Variants in UGT1A8 observed in about 807,000 individuals in gnomAD.
UGT1A8 encodes UDP glucuronosyltransferase family 1 member A8, also known as UDP-glucuronosyltransferase 1A8.
UGT1A8 carries 39 observed loss-of-function variants against 45.3 expected under a neutral mutation model. The ratio of observed to expected loss-of-function variants is 0.86; its 90% CI spans 0.67 to 1.12. UGT1A8 has a LOEUF of 1.12. Ranked by LOEUF, UGT1A8 falls within the 50% of genes most tolerant of loss-of-function variation. The probability of loss-of-function intolerance (pLI) is 0.00; values close to 1 mark genes in which losing one functional copy is unlikely to be tolerated. For missense variants in UGT1A8, 719 were observed against 664.9 expected, an observed-to-expected ratio of 1.08 and a Z score of -0.90; for synonymous variants, 275 against 249.2, an observed-to-expected ratio of 1.10 and a Z score of -0.97.
chr2:233,681,906 C>T (rs1352844519), intron 1 of UGT1A8: 1 of 1,596,660 alleles, frequency 6.3e-7, no homozygotes, highest in South Asian at 1.1e-5. Context: ...AGCTTAGAAT[C>T]CCAGCTGCTG....
At chr2:233,736,318 T>G (rs1275483454) in intron 1 of UGT1A8, among the ~76,000 whole-genome samples, 1 of 152,256 alleles carries the variant, frequency 6.6e-6, no homozygotes, top group Non-Finnish European at 1.5e-5. Flanking sequence ...TTGAATTTTG[T>G]GCATGTGTTA....
Position 233,747,455 on chromosome 2 carries a change from C to T in UGT1A8, c.856-19579C>T, listed in dbSNP as rs545965821. Reference sequence around the variant, plus strand: ...AATTTTTCACCCTGACAACCTATGCCATTTCATGGACCCAGGATGAATTTG... The same window carrying T: ...AATTTTTCACCCTGACAACCTATGCTATTTCATGGACCCAGGATGAATTTG... On this transcript the variant is annotated intron_variant, in intron 1 of 4. Coordinates refer to ENST00000373450, the MANE Select transcript of UGT1A8 (RefSeq NM_019076.5). 52 of 1,608,866 alleles carry T rather than the reference C, an allele frequency of 3.2e-5. 1 individual carries two copies. Among genetic ancestry groups the T allele is most frequent in the Admixed American group, 5.0e-5 (3 of 60,014 alleles).
At chr2:233,688,686 T>C (rs2074910115) in intron 1 of UGT1A8, among the ~76,000 whole-genome samples, 1 of 152,222 alleles carries the variant, frequency 6.6e-6, no homozygotes, top group Non-Finnish European at 1.5e-5. Flanking sequence ...AAAAATTTAA[T>C]ATTAAACGTC....
intron 1 of UGT1A8, chr2:233,760,692 G>A (rs541943163): frequency 1.2e-6 from 2 of 1,614,200 alleles, no homozygotes; most frequent in South Asian, 1.1e-5. Flanking sequence ...ACAACAAGGA[G>A]CTCATGGCCT....
intron 1 of UGT1A8, chr2:233,647,821 C>G (rs1187787949): frequency 2.2e-6 from 2 of 912,710 alleles, no homozygotes; most frequent in African/African-American, 3.3e-5. Flanking sequence ...ATTGATTTGC[C>G]CCAAAAGCTA....
intron 1 of UGT1A8, among the ~76,000 whole-genome samples, chr2:233,632,372 A>G (rs551419110): frequency 6.6e-6 from 1 of 152,320 alleles, no homozygotes; most frequent in African/African-American, 2.4e-5. Context: ...TTCTGTGAAG[A>G]AAGTCAATGG....
At chr2:233,667,022 GC>G (rs1559331549) in intron 1 of UGT1A8, among the ~76,000 whole-genome samples, 1 of 152,086 alleles carries the variant, frequency 6.6e-6, no homozygotes, top group Non-Finnish European at 1.5e-5. Context: ...GTGTGTATGT[GC>G]CACATTTTCT....
At position 233,618,060 on chromosome 2, in the gene UGT1A8, A is replaced by T; in HGVS notation, c.353A>T (p.Asn118Ile). ...CTGAGTTCATCCAATGGTTTTTTTA[A>T]CTTATTTTTTTCGCATTGCAGGAGT... ...LFLSSSNGFF[N>I]LFFSHCRSLF... Residue 118 changes from asparagine (N) to isoleucine (I), a missense_variant, in exon 1 of 5, where the codon AAC becomes ATC. By Grantham distance (149) the Asn-to-Ile change is moderately radical (BLOSUM62 -3). Transcript: ENST00000373450. The T allele has an allele frequency of 1.9e-6, 3 of 1,613,898 alleles. No homozygotes were observed. The highest frequency in any genetic ancestry group is 2.5e-6 in the Non-Finnish European group (3 of 1,179,978).
At position 233,685,362 on chromosome 2, in the gene UGT1A8, AATC is replaced by A. The variant is rs2074736293; in HGVS notation, c.855+66802_855+66804del. On this transcript the variant is annotated intron_variant, in intron 1 of 4. Transcript: ENST00000373450. ...AGTGGTTTTAATGAGAAAAAAAGAA[AATC>A]ACTTCCACTTTTCTTGACTTGTTGG... Among the ~76,000 whole-genome samples the A allele has an allele frequency of 2.0e-5, 3 of 152,248 alleles. No homozygotes were observed. In the South Asian group the frequency reaches 6.2e-4, roughly 32 times the overall value.
chr2:233,644,140 A>G (rs1324010868), intron 1 of UGT1A8, among the ~76,000 whole-genome samples: 2 of 152,202 alleles, frequency 1.3e-5, no homozygotes, highest in East Asian at 3.9e-4. Context: ...TAAGAGTTGC[A>G]ATCTTTATGG....
chr2:233,673,566 G>A (rs2602377), intron 1 of UGT1A8, among the ~76,000 whole-genome samples: 93,596 of 151,962 alleles, frequency 0.62, 29,078 homozygotes, highest in South Asian at 0.65. Flanking sequence ...TTTTGCTATT[G>A]TGTCTTCCTG....
intron 1 of UGT1A8, among the ~76,000 whole-genome samples, chr2:233,635,394 G>GT (rs1237887517): frequency 2.7e-5 from 4 of 150,706 alleles, no homozygotes; most frequent in African/African-American, 9.8e-5. Context: ...CCTGAAGAGG[G>GT]TTTTTGGCAT....
chr2:233,665,938 A>C (rs1190354490), intron 1 of UGT1A8, among the ~76,000 whole-genome samples: 1 of 152,122 alleles, frequency 6.6e-6, no homozygotes, highest in Admixed American at 6.5e-5. Context: ...ATACTCACCA[A>C]CACTGGATGT....
chr2:233,754,995 C>G (rs769077985), intron 1 of UGT1A8: 1 of 1,295,418 alleles, frequency 7.7e-7, no homozygotes, highest in Non-Finnish European at 1.0e-6. Flanking sequence ...GTCACGGAAG[C>G]TGAAGACCTA....
At chr2:233,698,537 C>T (rs1177277772) in intron 1 of UGT1A8, among the ~76,000 whole-genome samples, 3 of 152,152 alleles carry the variant, frequency 2.0e-5, no homozygotes, top group Admixed American at 6.5e-5. Context: ...GTAAACAGAA[C>T]ACGAGTGGCC....
intron 1 of UGT1A8, among the ~76,000 whole-genome samples, chr2:233,630,013 C>CT (rs373074853): frequency 0.021 from 3,166 of 151,146 alleles, 107 homozygotes; most frequent in African/African-American, 0.072. Context: ...TTTCTTCTCT[C>CT]TTTTTTTTTC....
rs1230502288 is a variant in UGT1A8, at chr2:233,618,367, C to T, written c.660C>T (p.Cys220=). Residue 220 remains cysteine (C), a synonymous_variant, in exon 1 of 5, where the codon TGC becomes TGT. Transcript: ENST00000373450. ...HIMHLEEHLF[C]QYFSKNALEI... is the part of the protein sequence containing the mutation. The stretch of plus-strand genomic sequence containing the variant: ...TGCACTTGGAGGAACATTTATTTTG[C>T]CAGTATTTTTCCAAAAATGCCCTAG... 1 of 1,613,888 alleles carries T rather than the reference C, an allele frequency of 6.2e-7. No individual in the cohort carries two copies. Among genetic ancestry groups the T allele is most frequent in the Non-Finnish European group, 8.5e-7 (1 of 1,179,834 alleles).
chr2:233,757,194 T>A (rs1696434308), intron 1 of UGT1A8, among the ~76,000 whole-genome samples: 1 of 150,834 alleles, frequency 6.6e-6, no homozygotes, highest in Non-Finnish European at 1.5e-5. Context: ...GACTCTGAAT[T>A]TTCTGTGCCC....
chr2:233,760,995 A>G (rs777512835), intron 1 of UGT1A8: 2 of 1,614,138 alleles, frequency 1.2e-6, no homozygotes, highest in Non-Finnish European at 1.7e-6. Context: ...TTGCCTCAGA[A>G]TTCCTTCAGA....
Sources: allele counts gnomAD v4.1 joint callset (sites outside exome capture counted in the v4.1 genomes callset), GRCh38; gene constraint gnomAD v4.1.1; transcripts MANE v1.5; gene names NCBI Gene and HGNC (gene_info 2026-07-23, HGNC 2026-07-21).